Variants in DSCAM observed in about 807,000 individuals in gnomAD.
DSCAM encodes cell adhesion molecule DSCAM.
A neutral mutation model predicts 217.7 loss-of-function variants in DSCAM; 47 were observed. The observed-to-expected ratio is 0.22, with a 90% CI of 0.17 to 0.28. DSCAM has a LOEUF of 0.28. Ranked by LOEUF, DSCAM falls within the 10% of genes least tolerant of loss-of-function variation. DSCAM has a pLI of 1.00. For synonymous variants in DSCAM, 1,056 were observed against 1,015.3 expected (o/e 1.04, Z -0.76); for missense variants, 2,080 against 2,618.3 (o/e 0.79, Z 4.49).
intron 21 of DSCAM, among the ~76,000 whole-genome samples, chr21:40,089,890 A>G (rs1450974461): frequency 6.6e-6 from 1 of 152,098 alleles, no homozygotes; most frequent in Non-Finnish European, 1.5e-5. Flanking sequence ...AAATCCACGC[A>G]ATAGAGCATT....
chr21:40,569,662 A>G (rs561783298), intron 3 of DSCAM, among the ~76,000 whole-genome samples: 83 of 152,120 alleles, frequency 5.5e-4, no homozygotes, highest in Admixed American at 1.8e-3. Flanking sequence ...TCCCCTATAT[A>G]ACTTACTGGT....
intron 28 of DSCAM, among the ~76,000 whole-genome samples, chr21:40,056,716 T>G (rs1458322226): frequency 1.3e-5 from 2 of 152,228 alleles, no homozygotes; most frequent in Non-Finnish European, 2.9e-5. Context: ...ACTTGGATAA[T>G]CCAATCAATG....
intron 3 of DSCAM, among the ~76,000 whole-genome samples, chr21:40,562,016 T>C (rs1430930821): frequency 6.6e-6 from 1 of 152,228 alleles, no homozygotes; most frequent in African/African-American, 2.4e-5. Flanking sequence ...TCCATTTCAC[T>C]GACTTTCCCC....
chr21:40,558,765 T>C (rs2076692943), intron 3 of DSCAM, among the ~76,000 whole-genome samples: 1 of 152,188 alleles, frequency 6.6e-6, no homozygotes, highest in Non-Finnish European at 1.5e-5. Context: ...TTTTACCAAG[T>C]TTTTGTCCCT....
In DSCAM at chr21:40,012,242, A is replaced by G. The variant is rs2146400104; in HGVS notation, c.*792T>C. 6.6e-6 allele frequency: 1 copy of G among 152,186 alleles called. No individual in the cohort carries two copies. The highest frequency in any genetic ancestry group is 2.1e-4 in the South Asian group (1 of 4,818). 9.4% of individuals were successfully genotyped at this position (152,186 alleles called of 1,614,324 possible). A position where few individuals can be genotyped will look rare whatever the true frequency, so the allele number is the denominator to read the frequency against. ...TTGTCCTCTCCAGCTTGAGAGCAGG[A>G]GCTGCACCTTCTTTGTGCTTCCTGG... On this transcript the variant is annotated 3_prime_UTR_variant, in exon 33 of 33. Coordinates refer to ENST00000400454, the MANE Select transcript of DSCAM (RefSeq NM_001389.5).
At chr21:40,278,324 A>G (rs1411757151) in intron 10 of DSCAM, among the ~76,000 whole-genome samples, 1 of 152,172 alleles carries the variant, frequency 6.6e-6, no homozygotes, top group African/African-American at 2.4e-5. Context: ...GCCAGAGAGT[A>G]AATATTTTAA....
At chr21:40,698,607 C>T (rs1190213188) in intron 2 of DSCAM, among the ~76,000 whole-genome samples, 4 of 152,126 alleles carry the variant, frequency 2.6e-5, no homozygotes, top group East Asian at 3.9e-4. Context: ...CAGTGGCTCA[C>T]ATCTGTAATC....
At chr21:40,528,797 T>C (rs2076419959) in intron 3 of DSCAM, among the ~76,000 whole-genome samples, 1 of 150,982 alleles carries the variant, frequency 6.6e-6, no homozygotes, top group Non-Finnish European at 1.5e-5. Flanking sequence ...TCCTAGAGGA[T>C]AAAAGACAGA....
intron 1 of DSCAM, among the ~76,000 whole-genome samples, chr21:40,765,533 T>G (rs1235576968): frequency 6.6e-6 from 1 of 152,176 alleles, no homozygotes. Context: ...AAAAATTTTT[T>G]TAAACTTTGT....
intron 2 of DSCAM, among the ~76,000 whole-genome samples, chr21:40,707,564 C>T (rs2090731366): frequency 6.6e-6 from 1 of 152,178 alleles, no homozygotes; most frequent in Non-Finnish European, 1.5e-5. Context: ...CTTCTACCAG[C>T]ACCTACTCAC....
intron 3 of DSCAM, among the ~76,000 whole-genome samples, chr21:40,583,372 A>G (rs1336018127): frequency 6.6e-6 from 1 of 152,124 alleles, no homozygotes; most frequent in Non-Finnish European, 1.5e-5. Flanking sequence ...TATTTGTGGT[A>G]TATCAACTTT....
intron 3 of DSCAM, among the ~76,000 whole-genome samples, chr21:40,461,637 G>A (rs2075806785): frequency 1.3e-5 from 2 of 152,188 alleles, no homozygotes. Flanking sequence ...GAATGTGTAA[G>A]GTTTCATGGC....
intron 32 of DSCAM, among the ~76,000 whole-genome samples, chr21:40,031,283 AAGCTCCCAGATTCCAGCTCTAC>A (rs148875524): frequency 0.034 from 5,111 of 152,208 alleles, 150 homozygotes; most frequent in East Asian, 0.13. Flanking sequence ...GACCAGAAGG[AAGCTCCCAGATTCCAGCTCTAC>A]AGATGACAAG....
chr21:40,431,973 G>A (rs1429642449), intron 3 of DSCAM, among the ~76,000 whole-genome samples: 2 of 152,172 alleles, frequency 1.3e-5, no homozygotes, highest in Non-Finnish European at 2.9e-5. Flanking sequence ...GCCAAGGCGG[G>A]CAGGTCACCT....
At chr21:40,395,043 A>G (rs2123762405) in intron 3 of DSCAM, among the ~76,000 whole-genome samples, 1 of 152,352 alleles carries the variant, frequency 6.6e-6, no homozygotes, top group Non-Finnish European at 1.5e-5. Context: ...TTTGATACAA[A>G]TATACTGTGT....
At chr21:40,590,021 T>C (rs1015867003) in intron 3 of DSCAM, among the ~76,000 whole-genome samples, 1 of 152,216 alleles carries the variant, frequency 6.6e-6, no homozygotes, top group African/African-American at 2.4e-5. Flanking sequence ...GAGAACTGAA[T>C]TGGTAGATAT....
At chr21:40,592,284 T>G (rs2076989783) in intron 3 of DSCAM, among the ~76,000 whole-genome samples, 1 of 152,226 alleles carries the variant, frequency 6.6e-6, no homozygotes, top group African/African-American at 2.4e-5. Flanking sequence ...GTAAGGATAC[T>G]TCAAATACTT....
At position 40,318,820 on chromosome 21, in the gene DSCAM, T is replaced by C. The variant is rs185341307; in HGVS notation, c.1784-6461A>G. Among the ~76,000 whole-genome samples, 5 of 152,264 alleles carry C rather than the reference T, an allele frequency of 3.3e-5. No individual in the cohort carries two copies. The East Asian group carries it at 9.7e-4, about 29-fold the overall frequency. The stretch of plus-strand genomic sequence containing the variant: ...ACTTAGATTCCATTAGTTTCCCTTC[T>C]TAGCCTCTCACTCCAAGCTCCCCGC... On this transcript the variant is annotated intron_variant, in intron 8 of 32. Coordinates refer to ENST00000400454, the MANE Select transcript of DSCAM (RefSeq NM_001389.5).
In DSCAM at chr21:40,393,231, C is replaced by T. The variant is rs1389680341; in HGVS notation, c.509-23986G>A. On this transcript the variant is annotated intron_variant, in intron 3 of 32. Coordinates refer to ENST00000400454, the MANE Select transcript of DSCAM (RefSeq NM_001389.5). ...CCCACTTCAAAGCCATACCCAAAGGCTCTGGCACCTTCCCCTTCATCATCC... is the reference window on the plus strand; with the variant it reads ...CCCACTTCAAAGCCATACCCAAAGGTTCTGGCACCTTCCCCTTCATCATCC... Among the ~76,000 whole-genome samples, 4 of 152,166 alleles carry T rather than the reference C, an allele frequency of 2.6e-5. No homozygotes were observed. The East Asian group carries it at 7.7e-4, about 29-fold the overall frequency.
Sources: gnomAD v4.1 joint callset for allele counts (sites outside exome capture counted in the v4.1 genomes callset) on GRCh38, gnomAD v4.1.1 for gene constraint, MANE v1.5 for transcripts, NCBI Gene and HGNC (gene_info 2026-07-23, HGNC 2026-07-21) for gene names.